The following EHBP1 variants were observed in gnomAD, a reference collection of about 807,000 sequenced individuals.
EHBP1 encodes the protein EH domain-binding protein 1.
A neutral mutation model predicts 144.0 loss-of-function variants in EHBP1; 55 were observed. The observed-to-expected ratio is 0.38, with a 90% CI of 0.31 to 0.48. The LOEUF (loss-of-function observed/expected upper bound fraction) is 0.48. Ranked by LOEUF, EHBP1 falls within the 20% of genes least tolerant of loss-of-function variation. The pLI is 0.98. For synonymous variants in EHBP1, 469 were observed against 472.7 expected, an observed-to-expected ratio of 0.99 and a Z score of 0.10; for missense variants, 1,200 against 1,364.2, an observed-to-expected ratio of 0.88 and a Z score of 1.90.
intron 21 of EHBP1, among the ~76,000 whole-genome samples, chr2:63,039,235 G>T (rs1421368074): frequency 6.6e-6 from 1 of 152,068 alleles, no homozygotes; most frequent in South Asian, 2.1e-4. Context: ...ATATGTTCCT[G>T]TTCAGTCTAC....
intron 14 of EHBP1, among the ~76,000 whole-genome samples, chr2:62,977,333 C>T (rs2058761792): frequency 6.6e-6 from 1 of 152,036 alleles, no homozygotes; most frequent in African/African-American, 2.4e-5. Flanking sequence ...GCCCTATGTT[C>T]AGGAAAACTA....
intron 20 of EHBP1, among the ~76,000 whole-genome samples, chr2:63,038,326 A>T (rs1395934654): frequency 6.6e-6 from 1 of 152,146 alleles, no homozygotes; most frequent in Non-Finnish European, 1.5e-5. Flanking sequence ...AAGAAGCACA[A>T]AACTTTACAA....
At chr2:62,824,374 AT>A (rs2046196650) in intron 5 of EHBP1, among the ~76,000 whole-genome samples, 1 of 152,008 alleles carries the variant, frequency 6.6e-6, no homozygotes, top group Admixed American at 6.6e-5. Flanking sequence ...ATATGTAGAA[AT>A]TGTTAGCTAT....
intron 3 of EHBP1, among the ~76,000 whole-genome samples, chr2:62,757,599 A>T (rs2040415307): frequency 1.3e-5 from 2 of 151,212 alleles, no homozygotes; most frequent in African/African-American, 4.9e-5. Context: ...ATTCCCGGCA[A>T]ATTTTTGTGT....
At chr2:62,920,756 G>A (rs1335794212) in intron 10 of EHBP1, among the ~76,000 whole-genome samples, 11 of 151,932 alleles carry the variant, frequency 7.2e-5, no homozygotes, top group Admixed American at 6.6e-4. Flanking sequence ...TCTGCCTTCT[G>A]GGTTCAGGCA....
At chr2:62,898,351 G>A (rs1355084350) in intron 10 of EHBP1, among the ~76,000 whole-genome samples, 1 of 152,144 alleles carries the variant, frequency 6.6e-6, no homozygotes, top group East Asian at 1.9e-4. Context: ...CCTGAGGGGT[G>A]AGCCGTGAGC....
At chr2:62,706,140 G>A (rs1474903184) in intron 1 of EHBP1, 88 bp downstream of exon 1, 2 of 153,664 alleles carry the variant, frequency 1.3e-5, no homozygotes, top group Admixed American at 1.3e-4. Flanking sequence ...GGGTGACAGG[G>A]ACCGCGGACG....
chr2:63,027,123 C>T (rs1437602921), intron 19 of EHBP1, among the ~76,000 whole-genome samples: 2 of 152,164 alleles, frequency 1.3e-5, no homozygotes, highest in African/African-American at 4.8e-5. Flanking sequence ...GCATTTGAGG[C>T]CTGGTTCCAC....
intron 7 of EHBP1, among the ~76,000 whole-genome samples, chr2:62,856,313 C>T (rs756325975): frequency 9.2e-5 from 14 of 152,214 alleles, no homozygotes; most frequent in Non-Finnish European, 1.6e-4. Flanking sequence ...CTGTGACTCC[C>T]GCTTTGGGGC....
At chr2:62,755,010 G>A (rs1204600619) in intron 3 of EHBP1, among the ~76,000 whole-genome samples, 1 of 152,170 alleles carries the variant, frequency 6.6e-6, no homozygotes, top group East Asian at 1.9e-4. Flanking sequence ...CCCACTGTCC[G>A]ACAAGCCCCA....
chr2:62,791,158 A>C (rs1469071650), intron 5 of EHBP1, among the ~76,000 whole-genome samples: 1 of 151,720 alleles, frequency 6.6e-6, no homozygotes, highest in African/African-American at 2.4e-5. Flanking sequence ...CATTTTCTTC[A>C]CTCCCAGACT....
At chr2:62,973,906 G>A (rs2058602052) in intron 14 of EHBP1, among the ~76,000 whole-genome samples, 1 of 152,264 alleles carries the variant, frequency 6.6e-6, no homozygotes, top group East Asian at 1.9e-4. Flanking sequence ...TGGTGGCAGG[G>A]CTGAGGTAGG....
At chr2:62,873,108 A>G (rs1244555589) in intron 9 of EHBP1, among the ~76,000 whole-genome samples, 1 of 152,168 alleles carries the variant, frequency 6.6e-6, no homozygotes, top group Non-Finnish European at 1.5e-5. Flanking sequence ...AACTTAGACT[A>G]CACAGGAATT....
rs2061943432 is a variant in EHBP1 at position 63,046,022 on chromosome 2, C to T, written c.*522C>T. 6.5e-6 allele frequency: 1 copy of T among 154,044 alleles called. No individual in the cohort carries two copies. Among genetic ancestry groups the T allele is most frequent in the Admixed American group, 6.4e-5 (1 of 15,514 alleles). 9.5% of individuals were successfully genotyped at this position (154,044 alleles called of 1,614,324 possible). On this transcript the variant is annotated 3_prime_UTR_variant, in exon 23 of 23. Transcript: ENST00000431489. ...GATCATATCCAATCTACTTATTAAA[C>T]TGTGTTCTATTTACCAGTGGAGTTT... is the stretch of plus-strand genomic sequence containing the variant.
At chr2:62,940,997 A>G (rs1356783763) in intron 10 of EHBP1, among the ~76,000 whole-genome samples, 2 of 152,178 alleles carry the variant, frequency 1.3e-5, no homozygotes, top group African/African-American at 2.4e-5. Flanking sequence ...TGATAATTGA[A>G]TCGATGTAAT....
chr2:62,752,661 TC>T (rs2152232853), intron 3 of EHBP1, among the ~76,000 whole-genome samples: 1 of 152,350 alleles, frequency 6.6e-6, no homozygotes, highest in Non-Finnish European at 1.5e-5. Flanking sequence ...ATCCGGGTGC[TC>T]CTGTACTGGG....
chr2:62,726,123 T>C (rs905512116), intron 2 of EHBP1, among the ~76,000 whole-genome samples: 2 of 152,100 alleles, frequency 1.3e-5, no homozygotes, highest in Non-Finnish European at 2.9e-5. Flanking sequence ...AAGTCAAGCC[T>C]AGGGGGATGG....
At chr2:62,921,835 G>A (rs1450878740) in intron 10 of EHBP1, among the ~76,000 whole-genome samples, 1 of 152,146 alleles carries the variant, frequency 6.6e-6, no homozygotes, top group Non-Finnish European at 1.5e-5. Context: ...TATGTTTTAT[G>A]TATGTATACT....
chr2:62,728,073 A>G (rs1398769576), intron 2 of EHBP1, among the ~76,000 whole-genome samples: 4 of 152,222 alleles, frequency 2.6e-5, no homozygotes, highest in Non-Finnish European at 4.4e-5. Flanking sequence ...TGGACACCCT[A>G]GTAGTCTGGC....
Sources: allele counts gnomAD v4.1 joint callset (sites outside exome capture counted in the v4.1 genomes callset), GRCh38; gene constraint gnomAD v4.1.1; transcripts MANE v1.5; gene names NCBI Gene and HGNC (gene_info 2026-07-23, HGNC 2026-07-21).